Variants in IMPG1 observed in about 807,000 individuals in gnomAD.
IMPG1 encodes the protein interphotoreceptor matrix proteoglycan of 150 kDa.
IMPG1 carries 85 observed loss-of-function variants against 92.0 expected under a neutral mutation model. The observed-to-expected ratio is 0.92, with a 90% CI of 0.78 to 1.11. The LOEUF is 1.11. Ranked by LOEUF, IMPG1 falls within the 50% of genes least tolerant of loss-of-function variation. IMPG1 has a pLI of 0.00. For synonymous variants in IMPG1, 367 were observed against 334.1 expected (o/e 1.10, Z -1.08); for missense variants, 1,022 against 956.0 (o/e 1.07, Z -0.91).
intron 15 of IMPG1, among the ~76,000 whole-genome samples, chr6:75,927,542 T>G (rs1471355827): frequency 1.3e-5 from 2 of 152,166 alleles, no homozygotes; most frequent in African/African-American, 2.4e-5. Context: ...TGGTCCCGTT[T>G]CTTCACTGAG....
At chr6:76,007,693 T>C (rs539767955) in intron 8 of IMPG1, among the ~76,000 whole-genome samples, 193 bp from the exon 9 acceptor site, 17 of 152,324 alleles carry the variant, frequency 1.1e-4, no homozygotes, top group African/African-American at 3.8e-4. Flanking sequence ...TTGAGAGAGA[T>C]ATGAATCTAA....
chr6:76,057,718 T>A (rs754803652), intron 1 of IMPG1, among the ~76,000 whole-genome samples: 1 of 151,792 alleles, frequency 6.6e-6, no homozygotes, highest in Non-Finnish European at 1.5e-5. Context: ...GGTGGGGGGG[T>A]GGCTAAAACC....
intron 1 of IMPG1, among the ~76,000 whole-genome samples, chr6:76,064,361 T>C (rs1455201107): frequency 1.0e-4 from 5 of 48,266 alleles, no homozygotes; most frequent in Non-Finnish European, 1.2e-4. Flanking sequence ...GGGGCAACCA[T>C]TTTTTTTTCT....
At chr6:75,940,509 CT>C (rs1284485511) in intron 14 of IMPG1, among the ~76,000 whole-genome samples, 5 of 152,132 alleles carry the variant, frequency 3.3e-5, no homozygotes, top group Admixed American at 6.5e-5. Flanking sequence ...GAATGATAAA[CT>C]GTTTTATTTT....
rs549756638 is a variant in IMPG1, at chr6:75,952,515, G to A, written c.1292-1421C>T. On this transcript the variant is annotated intron_variant, in intron 12 of 16. Coordinates refer to ENST00000369950, the MANE Select transcript of IMPG1 (RefSeq NM_001563.4). ...CACCCTCTTTTCTCTCACCTGGGGA[G>A]GGTACCTGCGTGTGTCTACTCATAA... Among the ~76,000 whole-genome samples, 20 of 152,254 alleles carry A rather than the reference G, an allele frequency of 1.3e-4. No individual in the cohort carries two copies. The East Asian group carries it at 2.1e-3, about 16-fold the overall frequency.
chr6:76,051,069 A>G (rs997564291), intron 1 of IMPG1, among the ~76,000 whole-genome samples: 1 of 152,212 alleles, frequency 6.6e-6, no homozygotes, highest in African/African-American at 2.4e-5. Context: ...TATAGAGAGT[A>G]AGTAGGTAAC....
chr6:76,013,831 G>C (rs1783234366), intron 7 of IMPG1, among the ~76,000 whole-genome samples: 1 of 152,334 alleles, frequency 6.6e-6, no homozygotes, highest in South Asian at 2.1e-4. Flanking sequence ...TGAAGGACTA[G>C]AGCAGTGATA....
chr6:75,967,791 A>G (rs80087516), intron 12 of IMPG1, among the ~76,000 whole-genome samples: 4,915 of 152,316 alleles, frequency 0.032, 220 homozygotes, highest in African/African-American at 0.097. Context: ...ATAGCTGAAG[A>G]CAAGGGAGCA....
intron 1 of IMPG1, among the ~76,000 whole-genome samples, chr6:76,046,689 G>T (rs1054383186): frequency 1.1e-4 from 16 of 152,092 alleles, no homozygotes; most frequent in African/African-American, 3.9e-4. Flanking sequence ...CTATAAAATG[G>T]GGAATAATAA....
chr6:75,991,623 C>T (rs1324903434), intron 12 of IMPG1, among the ~76,000 whole-genome samples: 1 of 152,146 alleles, frequency 6.6e-6, no homozygotes, highest in African/African-American at 2.4e-5. Flanking sequence ...TCTGAACAAC[C>T]TTCTCTCTAT....
chr6:76,055,500 G>C (rs947458651), intron 1 of IMPG1, among the ~76,000 whole-genome samples: 2 of 150,998 alleles, frequency 1.3e-5, no homozygotes, highest in East Asian at 3.9e-4. Context: ...TAAAAGAGTG[G>C]TGTAAGAAAA....
chr6:75,999,239 G>T (rs2149475728), intron 12 of IMPG1, among the ~76,000 whole-genome samples: 1 of 152,204 alleles, frequency 6.6e-6, no homozygotes, highest in Admixed American at 6.5e-5. Flanking sequence ...AGTAACAATA[G>T]AAGACCCCAC....
chr6:76,051,368 A>G (rs1784040064), intron 1 of IMPG1, among the ~76,000 whole-genome samples: 13 of 152,230 alleles, frequency 8.5e-5, no homozygotes, highest in Admixed American at 8.5e-4. Context: ...TGTTCAGTCT[A>G]TCCCAGAAGA....
At chr6:76,060,096 T>C (rs995075466) in intron 1 of IMPG1, among the ~76,000 whole-genome samples, 3 of 152,186 alleles carry the variant, frequency 2.0e-5, no homozygotes, top group African/African-American at 7.2e-5. Flanking sequence ...TTAACTCTTT[T>C]CCTGGGGGCA....
intron 7 of IMPG1, among the ~76,000 whole-genome samples, chr6:76,013,249 C>A (rs1009544679): frequency 6.6e-6 from 1 of 151,968 alleles, no homozygotes; most frequent in Non-Finnish European, 1.5e-5. Context: ...CATTTAAGAC[C>A]CTCCAGAATC....
chr6:76,057,522 G>A (rs979413415), intron 1 of IMPG1, among the ~76,000 whole-genome samples: 1 of 152,116 alleles, frequency 6.6e-6, no homozygotes, highest in Admixed American at 6.6e-5. Flanking sequence ...TAAGCACCCC[G>A]GCTAGACAGC....
At position 76,040,603 on chromosome 6, in the gene IMPG1, G is replaced by A. The variant is rs553992822; in HGVS notation, c.301+1290C>T. On this transcript the variant is annotated intron_variant, in intron 2 of 16. Coordinates refer to ENST00000369950, the MANE Select transcript of IMPG1 (RefSeq NM_001563.4). Reference sequence around the variant, plus strand: ...GATGCCCTTCTAGGACCTTAGAATAGTAATATAGTGCCCTTGATTTTCTAC... The same window carrying A: ...GATGCCCTTCTAGGACCTTAGAATAATAATATAGTGCCCTTGATTTTCTAC... Among the ~76,000 whole-genome samples, 8 of 152,322 alleles carry A rather than the reference G, an allele frequency of 5.3e-5. No individual in the cohort carries two copies. In the East Asian group the frequency reaches 1.5e-3, roughly 29 times the overall value.
intron 12 of IMPG1, among the ~76,000 whole-genome samples, chr6:75,973,328 A>C (rs1278524944): frequency 1.4e-5 from 2 of 147,570 alleles, no homozygotes; most frequent in Non-Finnish European, 3.0e-5. Context: ...TGTATATCCA[A>C]GAGTAGAAGG....
chr6:75,946,331 C>A (rs1374548778), intron 14 of IMPG1, among the ~76,000 whole-genome samples: 1 of 152,162 alleles, frequency 6.6e-6, no homozygotes, highest in Non-Finnish European at 1.5e-5. Context: ...TCCCACTGAG[C>A]CTTTTTGGTT....
Sources: gnomAD v4.1 joint callset for allele counts (sites outside exome capture counted in the v4.1 genomes callset) on GRCh38, gnomAD v4.1.1 for gene constraint, MANE v1.5 for transcripts, NCBI Gene and HGNC (gene_info 2026-07-23, HGNC 2026-07-21) for gene names.